Variants in EFL1 observed in about 807,000 individuals in gnomAD.
EFL1 encodes the protein elongation factor like GTPase 1.
Under a neutral mutation model 126.7 loss-of-function variants are expected in EFL1, and 76 were observed. That is an observed-to-expected ratio of 0.60 (90% CI 0.50 to 0.73). EFL1 has a LOEUF of 0.73. Ranked by LOEUF, EFL1 falls within the 30% of genes least tolerant of loss-of-function variation. EFL1 has a pLI of 0.00. For synonymous variants in EFL1, 410 were observed against 448.4 expected, an observed-to-expected ratio of 0.91 and a Z score of 1.08; for missense variants, 1,128 against 1,343.2, an observed-to-expected ratio of 0.84 and a Z score of 2.50.
intron 15 of EFL1, among the ~76,000 whole-genome samples, chr15:82,180,886 C>A (rs2074245281): frequency 6.6e-6 from 1 of 151,974 alleles, no homozygotes; most frequent in African/African-American, 2.4e-5. Context: ...AGGCTACTAT[C>A]CTGGTTAATT....
At position 82,152,387 on chromosome 15, in the gene EFL1, A is replaced by T; in HGVS notation, c.2067T>A (p.Ile689=). The change falls in exon 18 of 20, where the codon ATT becomes ATA. Residue 689 remains isoleucine (I), a synonymous_variant. Coordinates refer to ENST00000268206, the MANE Select transcript of EFL1 (RefSeq NM_024580.6). Reference sequence around the variant, plus strand: ...TTGTGATTGTTTCTCTGAATGGAATAATAGGTTCAGATACACTGATATGAA... The same window carrying T: ...TTGTGATTGTTTCTCTGAATGGAATTATAGGTTCAGATACACTGATATGAA... ...AKIHISVSEP[I]IPFRETITKP... is the part of the protein sequence containing the mutation. 1 of 1,612,840 alleles carries T rather than the reference A, an allele frequency of 6.2e-7. No homozygotes were observed. The highest frequency in any genetic ancestry group is 1.1e-5 in the South Asian group (1 of 91,050).
chr15:82,182,911 C>A (rs963415286), intron 15 of EFL1, among the ~76,000 whole-genome samples: 1 of 152,042 alleles, frequency 6.6e-6, no homozygotes, highest in Non-Finnish European at 1.5e-5. Context: ...CCAGTGAAGG[C>A]ACCAGCGTAC....
intron 19 of EFL1, among the ~76,000 whole-genome samples, chr15:82,135,819 C>T (rs187426621): frequency 0.018 from 2,747 of 152,178 alleles, 31 homozygotes; most frequent in Non-Finnish European, 0.026. Flanking sequence ...CTTCCTCATC[C>T]CTATTCTTAT....
At chr15:82,151,009 G>T (rs150671797) in intron 18 of EFL1, among the ~76,000 whole-genome samples, 1 of 152,284 alleles carries the variant, frequency 6.6e-6, no homozygotes, top group African/African-American at 2.4e-5. Context: ...TAATACTTAA[G>T]ATATCTGGCT....
intron 2 of EFL1, among the ~76,000 whole-genome samples, chr15:82,259,907 T>A (rs1426285636): frequency 1.3e-5 from 2 of 152,220 alleles, no homozygotes; most frequent in Admixed American, 1.3e-4. Flanking sequence ...TATTTAACAC[T>A]GCTATCTGTC....
intron 15 of EFL1, among the ~76,000 whole-genome samples, chr15:82,171,487 A>G (rs2074135145): frequency 6.6e-6 from 1 of 152,222 alleles, no homozygotes; most frequent in Admixed American, 6.5e-5. Flanking sequence ...CAGCATTGAA[A>G]CAATTAGCCA....
intron 19 of EFL1, 95 bp from the exon 20 acceptor site, chr15:82,130,656 G>A (rs917137926): frequency 1.6e-5 from 21 of 1,350,586 alleles, no homozygotes; most frequent in Middle Eastern, 1.9e-4. Flanking sequence ...CTTAGCTAAT[G>A]AAAAAAAGTT....
intron 17 of EFL1, among the ~76,000 whole-genome samples, chr15:82,154,900 T>G (rs2073951510): frequency 6.6e-6 from 1 of 152,164 alleles, no homozygotes; most frequent in Non-Finnish European, 1.5e-5. Flanking sequence ...TATCTGGTAT[T>G]ACAGGCATGC....
chr15:82,182,803 C>T (rs891699665), intron 15 of EFL1, among the ~76,000 whole-genome samples: 2 of 150,802 alleles, frequency 1.3e-5, no homozygotes, highest in Non-Finnish European at 2.9e-5. Context: ...CCAGCCTGGG[C>T]GACAGAGCCA....
chr15:82,138,702 T>C lies in EFL1; in HGVS notation c.3130A>G (p.Thr1044Ala), dbSNP rs2073751742. 1 of 1,613,928 alleles carries C rather than the reference T, an allele frequency of 6.2e-7. No homozygotes were observed. The highest frequency in any genetic ancestry group is 8.5e-7 in the Non-Finnish European group (1 of 1,179,922). Reference protein sequence around the residue: ...FGFADEIRKRTSGLASPQLVF... With the variant: ...FGFADEIRKRASGLASPQLVF... Reference sequence around the variant, plus strand: ...AGTTGTGGGCTGGCCAGGCCACTTGTCCTCTTCCTGATTTCATCAGCAAAA... The same window carrying C: ...AGTTGTGGGCTGGCCAGGCCACTTGCCCTCTTCCTGATTTCATCAGCAAAA... The change falls in exon 19 of 20, where the codon ACA becomes GCA. Residue 1044 changes from threonine to alanine, a missense_variant. By Grantham distance (58) the Thr-to-Ala change is moderately conservative. Around this residue, in one of 6 missense-constraint regions of EFL1, gnomAD observed 561 missense variants for 641.7 expected, o/e 0.87. Coordinates refer to ENST00000268206, the MANE Select transcript of EFL1 (RefSeq NM_024580.6).
rs1234835324 is a variant in EFL1 at position 82,251,638 on chromosome 15, T to A, written c.244+1053A>T. ...AATATAACCTTTAAAATGTGAGAAG[T>A]GGTTTAAAAAAAAATGAAGCGTTAA... is the stretch of plus-strand genomic sequence containing the variant. On this transcript the variant is annotated intron_variant, in intron 4 of 19. Transcript: ENST00000268206. Among the ~76,000 whole-genome samples, 7 of 139,664 alleles carry A rather than the reference T, an allele frequency of 5.0e-5. No homozygotes were observed. In the East Asian group the frequency reaches 1.3e-3, roughly 27 times the overall value. 91.6% of individuals were successfully genotyped at this position (139,664 alleles called of 152,430 possible).
intron 15 of EFL1, among the ~76,000 whole-genome samples, chr15:82,178,046 A>G (rs1358390941): frequency 6.6e-6 from 1 of 152,228 alleles, no homozygotes; most frequent in Admixed American, 6.5e-5. Flanking sequence ...AAGAGTCATA[A>G]GGGATTTTCA....
At chr15:82,240,358 G>A in intron 6 of EFL1, 60 bp downstream of exon 6, 1 of 1,507,228 alleles carries the variant, frequency 6.6e-7, no homozygotes, top group East Asian at 2.5e-5. Flanking sequence ...ACCCAGCTCA[G>A]TAACTTCCTT....
chr15:82,211,157 G>C (rs2074579983), intron 15 of EFL1, among the ~76,000 whole-genome samples: 1 of 151,692 alleles, frequency 6.6e-6, no homozygotes, highest in East Asian at 1.9e-4. Flanking sequence ...AAAGCCAAAA[G>C]CTGGAATCCC....
At chr15:82,228,156 A>C (rs1241295259) in intron 10 of EFL1, 35 bp downstream of exon 10, 2 of 1,562,898 alleles carry the variant, frequency 1.3e-6, no homozygotes, top group South Asian at 2.4e-5. Context: ...CTTTATCAAA[A>C]CTATTTCATT....
At chr15:82,241,641 G>C (rs909640031) in intron 4 of EFL1, among the ~76,000 whole-genome samples, 2 of 152,176 alleles carry the variant, frequency 1.3e-5, no homozygotes, top group African/African-American at 4.8e-5. Flanking sequence ...TACCACTTAA[G>C]AGCTTATTGG....
At chr15:82,212,336 C>A (rs2074599220) in intron 15 of EFL1, among the ~76,000 whole-genome samples, 1 of 152,132 alleles carries the variant, frequency 6.6e-6, no homozygotes, top group Non-Finnish European at 1.5e-5. Context: ...CTATTTCTAT[C>A]ATAAGAAGTA....
chr15:82,133,562 G>A (rs2073683512), intron 19 of EFL1, among the ~76,000 whole-genome samples: 1 of 152,200 alleles, frequency 6.6e-6, no homozygotes, highest in South Asian at 2.1e-4. Flanking sequence ...TGTACTGTAA[G>A]AGATGTTAAC....
chr15:82,223,673 C>T (rs1231537848), intron 12 of EFL1, among the ~76,000 whole-genome samples: 1 of 152,206 alleles, frequency 6.6e-6, no homozygotes, highest in Non-Finnish European at 1.5e-5. Flanking sequence ...CTCTCAGATA[C>T]TCCCAATGGC....
Sources: allele counts gnomAD v4.1 joint callset (sites outside exome capture counted in the v4.1 genomes callset), GRCh38; gene constraint gnomAD v4.1.1; regional missense constraint gnomAD v4.1.1; transcripts MANE v1.5; gene names NCBI Gene and HGNC (gene_info 2026-07-23, HGNC 2026-07-21).